The following EEF1E1 variants were observed in gnomAD, a reference collection of about 807,000 sequenced individuals.
EEF1E1 encodes the protein eukaryotic translation elongation factor 1 epsilon 1.
Under a neutral mutation model 19.9 loss-of-function variants are expected in EEF1E1, and 19 were observed. The ratio of observed to expected loss-of-function variants is 0.95; its 90% CI spans 0.66 to 1.40. The LOEUF is 1.40. Among genes scored for constraint, EEF1E1 ranks in the 40% most tolerant of loss-of-function variants. EEF1E1 has a pLI of 0.00. For missense variants in EEF1E1, 198 were observed against 202.2 expected (o/e 0.98, Z 0.13); for synonymous variants, 81 against 80.0 (o/e 1.01, Z -0.07).
intron 2 of EEF1E1, among the ~76,000 whole-genome samples, chr6:8,096,322 C>T (rs569383002): frequency 5.3e-5 from 8 of 152,294 alleles, no homozygotes; most frequent in Non-Finnish European, 1.0e-4. Context: ...CTGCTTCCCC[C>T]TGGAAATGCT....
intron 3 of EEF1E1, among the ~76,000 whole-genome samples, chr6:8,087,411 T>G (rs2113647581): frequency 6.6e-6 from 1 of 152,334 alleles, no homozygotes; most frequent in African/African-American, 2.4e-5. Flanking sequence ...AGAGATGGGG[T>G]TTCACCATGT....
chr6:8,101,988 A>G (rs1007484891), intron 1 of EEF1E1: 9 of 1,244,870 alleles, frequency 7.2e-6, no homozygotes, highest in Non-Finnish European at 1.0e-6. Context: ...GTTCCCCTAA[A>G]TCATCATTGT....
At position 8,073,630 on chromosome 6, in the gene EEF1E1, A is replaced by T. The variant is rs565484606; in HGVS notation, c.385-120T>A. The T allele has an allele frequency of 4.9e-6, 6 of 1,216,886 alleles. No individual in the cohort carries two copies. In the African/African-American group the frequency reaches 9.2e-5, roughly 19 times the overall value. 75.4% of individuals were successfully genotyped at this position (1,216,886 alleles called of 1,614,324 possible). On this transcript the variant is annotated intron_variant, in intron 3 of 3. Coordinates refer to the EEF1E1 transcript ENST00000429723. ...GTTGTTATTAAAAGTTTTAACAGAT[A>T]TTTTAAAAAGTATTAACAGATCTTC...
intron 2 of EEF1E1, among the ~76,000 whole-genome samples, chr6:8,096,860 G>C (rs756522401): frequency 2.0e-5 from 3 of 152,050 alleles, no homozygotes; most frequent in Non-Finnish European, 4.4e-5. Context: ...AACCCTAAAA[G>C]ATTCTGCTTC....
In EEF1E1 at chr6:8,099,780, ACACAC is replaced by A. The variant is rs1179445073; in HGVS notation, c.88-2318_88-2314del. 3.4e-4 allele frequency among the ~76,000 whole-genome samples: 42 copies of A among 125,002 alleles called. 1 individual carries two copies. The highest frequency in any genetic ancestry group is 6.9e-4 in the African/African-American group (21 of 30,256). The allele number at this position is 125,002 out of a possible 152,430, so 82.0% of individuals were successfully genotyped here. A position where few individuals can be genotyped will look rare whatever the true frequency, so the allele number is the denominator to read the frequency against. On this transcript the variant is annotated intron_variant, in intron 1 of 3. Transcript: ENST00000379715. ...CACACACACACACACACACACACAC[ACACAC>A]ACACACAAAAAAAAAACAGAACCCT...
intron 1 of EEF1E1, among the ~76,000 whole-genome samples, chr6:8,098,057 G>C (rs1278066517): frequency 6.9e-6 from 1 of 145,480 alleles, no homozygotes; most frequent in Non-Finnish European, 1.5e-5. Flanking sequence ...TTAAGTAAAT[G>C]AAAAAAGAAT....
chr6:8,094,299 G>A (rs1758104282), intron 2 of EEF1E1, among the ~76,000 whole-genome samples: 1 of 151,810 alleles, frequency 6.6e-6, no homozygotes, highest in South Asian at 2.1e-4. Context: ...TCTCTTGCAG[G>A]AATTTAGCCT....
intron 1 of EEF1E1, chr6:8,101,696 C>A: frequency 8.0e-7 from 1 of 1,242,308 alleles, no homozygotes; most frequent in South Asian, 1.3e-5. Context: ...TTCTCTAATA[C>A]ATTCCTTCTA....
At chr6:8,083,210 C>T (rs1757764786) in intron 3 of EEF1E1, among the ~76,000 whole-genome samples, 3 of 152,212 alleles carry the variant, frequency 2.0e-5, no homozygotes, top group Non-Finnish European at 2.9e-5. Context: ...TTAAGTGAAC[C>T]GTTCCGGATC....
Position 8,079,732 on chromosome 6 carries a change from C to A in EEF1E1, c.*158G>T. ...AAATTGCAAAACTTCAGCTAAAGAA[C>A]AAATAAAACATTCAGACACAAGTTT... On this transcript the variant is annotated 3_prime_UTR_variant, in exon 4 of 4. Transcript: ENST00000379715. The A allele has an allele frequency of 7.8e-7, 1 of 1,278,252 alleles. No homozygotes were observed. The highest frequency in any genetic ancestry group is 9.9e-7 in the Non-Finnish European group (1 of 1,009,868). The allele number at this position is 1,278,252 out of a possible 1,614,324, so 79.2% of individuals were successfully genotyped here.
At chr6:8,097,206 G>C (rs1758199618) in intron 2 of EEF1E1, 61 bp downstream of exon 2, 3 of 1,519,764 alleles carry the variant, frequency 2.0e-6, no homozygotes, top group East Asian at 2.3e-5. Context: ...TTTAATCTCA[G>C]GGGAAAGAGA....
chr6:8,073,676 C>T (rs988180307), intron 3 of EEF1E1, among the ~76,000 whole-genome samples: 4 of 152,076 alleles, frequency 2.6e-5, no homozygotes, highest in African/African-American at 4.8e-5. Flanking sequence ...ACTACAGAAT[C>T]GTAAAATTAG....
At chr6:8,096,258 G>C (rs1332278854) in intron 2 of EEF1E1, among the ~76,000 whole-genome samples, 1 of 152,170 alleles carries the variant, frequency 6.6e-6, no homozygotes, top group Non-Finnish European at 1.5e-5. Flanking sequence ...AAAGATGGTT[G>C]TGTTCACTTG....
chr6:8,099,630 C>T (rs968983968), intron 1 of EEF1E1, among the ~76,000 whole-genome samples: 1 of 151,948 alleles, frequency 6.6e-6, no homozygotes, highest in East Asian at 1.9e-4. Context: ...GCCTGTAATC[C>T]CTGCTACACG....
At chr6:8,094,442 CA>C (rs1486565147) in intron 2 of EEF1E1, among the ~76,000 whole-genome samples, 4 of 150,554 alleles carry the variant, frequency 2.7e-5, no homozygotes, top group Admixed American at 2.6e-4. Flanking sequence ...ACTAAAAATA[CA>C]AAAAAAATTA....
At chr6:8,083,801 C>G (rs986387868) in intron 3 of EEF1E1, among the ~76,000 whole-genome samples, 2 of 152,176 alleles carry the variant, frequency 1.3e-5, no homozygotes, top group Admixed American at 6.5e-5. Flanking sequence ...ATTGCCAAAG[C>G]AAACAAAGCA....
intron 2 of EEF1E1, among the ~76,000 whole-genome samples, chr6:8,096,468 A>G (rs1472459725): frequency 6.6e-6 from 1 of 152,232 alleles, no homozygotes; most frequent in East Asian, 1.9e-4. Context: ...GATGGCATCT[A>G]TCAAGAACAC....
At chr6:8,095,083 T>C (rs1175159127) in intron 2 of EEF1E1, among the ~76,000 whole-genome samples, 2 of 152,216 alleles carry the variant, frequency 1.3e-5, no homozygotes, top group African/African-American at 4.8e-5. Flanking sequence ...CAGGGTGTCA[T>C]TGCCCTGCAC....
At chr6:8,089,489 A>G (rs986177781) in intron 3 of EEF1E1, among the ~76,000 whole-genome samples, 2 of 152,188 alleles carry the variant, frequency 1.3e-5, no homozygotes, top group African/African-American at 4.8e-5. Context: ...GAGGGCAGAA[A>G]GCATCCAGCA....
Sources: gnomAD v4.1 joint callset for allele counts (sites outside exome capture counted in the v4.1 genomes callset) on GRCh38, gnomAD v4.1.1 for gene constraint, MANE v1.5 for transcripts, NCBI Gene and HGNC (gene_info 2026-07-23, HGNC 2026-07-21) for gene names.